The following PLBD1 variants were observed in gnomAD, a reference collection of about 807,000 sequenced individuals.
PLBD1 encodes lysosomal leucine aminopeptidase.
Under a neutral mutation model 63.0 loss-of-function variants are expected in PLBD1, and 60 were observed. That is an observed-to-expected ratio of 0.95 (90% CI 0.77 to 1.18). The LOEUF (loss-of-function observed/expected upper bound fraction) is 1.18. Among genes scored for constraint, PLBD1 ranks in the 50% most tolerant of loss-of-function variants. The pLI is 0.00. For synonymous variants in PLBD1, 262 were observed against 248.0 expected (o/e 1.06, Z -0.53); for missense variants, 598 against 677.9 (o/e 0.88, Z 1.31).
intron 1 of PLBD1, among the ~76,000 whole-genome samples, chr12:14,562,060 G>A (rs962846104): frequency 1.1e-4 from 16 of 152,194 alleles, no homozygotes; most frequent in Admixed American, 3.3e-4. Flanking sequence ...TACTGCATAT[G>A]CAAGGCAGAT....
intron 6 of PLBD1, among the ~76,000 whole-genome samples, chr12:14,513,039 C>T (rs1945310619): frequency 6.6e-6 from 1 of 152,140 alleles, no homozygotes; most frequent in Non-Finnish European, 1.5e-5. Flanking sequence ...TCTCAAATTT[C>T]TACCATGATT....
rs551109647 is a variant in PLBD1 at position 14,536,018 on chromosome 12, G to A, written c.700-215C>T. 5.7e-5 allele frequency: 28 copies of A among 492,270 alleles called. No individual in the cohort carries two copies. In the Admixed American group the frequency reaches 8.3e-4, roughly 15 times the overall value. The allele number at this position is 492,270 out of a possible 1,614,324, so 30.5% of individuals were successfully genotyped here. ...ACATTCAAAATGGAAGACTCCAGCT[G>A]GGCATGGTGGCTTACGCTCGAAATC... On this transcript the variant is annotated intron_variant, in intron 5 of 10. Transcript: ENST00000240617.
At chr12:14,536,348 G>T (rs1945514327) in intron 5 of PLBD1, among the ~76,000 whole-genome samples, 1 of 152,086 alleles carries the variant, frequency 6.6e-6, no homozygotes, top group African/African-American at 2.4e-5. Context: ...GGAGTGGCAG[G>T]TGCATACAGC....
rs374052351 is a variant in PLBD1, at chr12:14,504,101, G to GTACA, written c.1480-151_1480-148dup. On this transcript the variant is annotated intron_variant, in intron 10 of 10. Coordinates refer to ENST00000240617, the MANE Select transcript of PLBD1 (RefSeq NM_024829.6). ...TTTCGCTCTTGTTGCCCAGACTGGAGTACAGTGGCACAATCTCAGCTCATT... is the reference window on the plus strand; with the variant it reads ...TTTCGCTCTTGTTGCCCAGACTGGAGTACATACAGTGGCACAATCTCAGCTCATT... 3.5e-3 allele frequency: 2,514 copies of GTACA among 721,158 alleles called. 24 individuals carry two copies. Among genetic ancestry groups the GTACA allele is most frequent in the African/African-American group, 0.026 (1,427 of 55,450 alleles). 44.7% of individuals were successfully genotyped at this position (721,158 alleles called of 1,614,324 possible). A position where few individuals can be genotyped will look rare whatever the true frequency, so the allele number is the denominator to read the frequency against.
At chr12:14,536,887 GAGACCAGC>G (rs1197027743) in intron 4 of PLBD1, among the ~76,000 whole-genome samples, 177 bp from the exon 5 acceptor site, 1 of 152,042 alleles carries the variant, frequency 6.6e-6, no homozygotes, top group African/African-American at 2.4e-5. Flanking sequence ...TGAGGGGTTT[GAGACCAGC>G]CTGGCCAACA....
At chr12:14,548,055 C>T (rs1945628550) in intron 2 of PLBD1, among the ~76,000 whole-genome samples, 1 of 152,146 alleles carries the variant, frequency 6.6e-6, no homozygotes, top group Admixed American at 6.5e-5. Flanking sequence ...ATGCTTTGAA[C>T]AGTCTGACAC....
chr12:14,517,090 A>G (rs1945342584), intron 6 of PLBD1, among the ~76,000 whole-genome samples: 1 of 152,046 alleles, frequency 6.6e-6, no homozygotes, highest in African/African-American at 2.4e-5. Flanking sequence ...CCCACATAGA[A>G]GCTCCACCCA....
In PLBD1 at chr12:14,536,627, G is replaced by C. The variant is rs200233914; in HGVS notation, c.642C>G (p.Asn214Lys). 3.0e-5 allele frequency: 48 copies of C among 1,614,040 alleles called. No homozygotes were observed. Among genetic ancestry groups the C allele is most frequent in the Non-Finnish European group, 4.1e-5 (48 of 1,180,028 alleles). ...DLIPSLSPTK[N>K]GSLKVFKRWD... ...ATCTCTTAAAAACCTTTAGGCTGCCGTTTTTTGTGGGAGAGAGTGAGGGAA... is the reference window on the plus strand; with the variant it reads ...ATCTCTTAAAAACCTTTAGGCTGCCCTTTTTTGTGGGAGAGAGTGAGGGAA... The change falls in exon 5 of 11, where the codon AAC becomes AAG. Residue 214 changes from asparagine (N) to lysine (K), a missense_variant. Physicochemically the swap from Asn to Lys is moderately conservative, Grantham distance 94 (BLOSUM62 0). Coordinates refer to ENST00000240617, the MANE Select transcript of PLBD1 (RefSeq NM_024829.6).
chr12:14,530,093 T>C (rs1420405652), intron 6 of PLBD1: 1 of 152,094 alleles, frequency 6.6e-6, no homozygotes, highest in Non-Finnish European at 1.5e-5. Context: ...TGAGGTGAGG[T>C]CACAATAGGC....
intron 2 of PLBD1, among the ~76,000 whole-genome samples, chr12:14,551,636 A>G (rs1945660343): frequency 1.3e-5 from 2 of 152,232 alleles, no homozygotes; most frequent in African/African-American, 4.8e-5. Flanking sequence ...AATAACACCA[A>G]CAGAAATATC....
At position 14,503,943 on chromosome 12, in the gene PLBD1, G is replaced by C. The variant is rs1172498284; in HGVS notation, c.1491C>G (p.Ile497Met). ...AGGATGTGTACTGAGATGCTAGGTAGATATCTGCCACCTGGAAAGAGGGAG... is the reference window on the plus strand; with the variant it reads ...AGGATGTGTACTGAGATGCTAGGTACATATCTGCCACCTGGAAAGAGGGAG... ...GGCYDTKVADIYLASQYTSYA... is the reference protein window; with the variant it reads ...GGCYDTKVADMYLASQYTSYA... The change falls in exon 11 of 11, where the codon ATC becomes ATG. Residue 497 changes from isoleucine (I) to methionine (M), a missense_variant. By Grantham distance (10) the Ile-to-Met change is conservative. Transcript: ENST00000240617. The C allele has an allele frequency of 6.3e-7, 1 of 1,597,388 alleles. No individual in the cohort carries two copies. Among genetic ancestry groups the C allele is most frequent in the Non-Finnish European group, 8.5e-7 (1 of 1,170,798 alleles).
chr12:14,526,669 G>A (rs1785712081), intron 6 of PLBD1, among the ~76,000 whole-genome samples: 4 of 152,082 alleles, frequency 2.6e-5, no homozygotes. Flanking sequence ...AGTACTGGAG[G>A]AGCTGAAAGA....
At chr12:14,523,230 A>G (rs1228418090) in intron 6 of PLBD1, among the ~76,000 whole-genome samples, 8 of 151,978 alleles carry the variant, frequency 5.3e-5, no homozygotes, top group African/African-American at 1.9e-4. Flanking sequence ...ATCAGAAAAA[A>G]ATAAGAAGGC....
At chr12:14,566,349 T>C (rs1945781350) in intron 1 of PLBD1, among the ~76,000 whole-genome samples, 1 of 152,174 alleles carries the variant, frequency 6.6e-6, no homozygotes, top group Non-Finnish European at 1.5e-5. Context: ...ACGAAGGCTC[T>C]TGATGATGGA....
At chr12:14,544,318 C>T (rs1297490892) in intron 2 of PLBD1, among the ~76,000 whole-genome samples, 17 of 152,116 alleles carry the variant, frequency 1.1e-4, no homozygotes, top group Admixed American at 9.2e-4. Flanking sequence ...GGACTACTGG[C>T]GTTTGCCACC....
intron 8 of PLBD1, among the ~76,000 whole-genome samples, chr12:14,507,982 C>G (rs779897617): frequency 6.6e-6 from 1 of 152,196 alleles, no homozygotes; most frequent in Non-Finnish European, 1.5e-5. Flanking sequence ...TCTCCTGGCC[C>G]TTTTCTGCCT....
At chr12:14,505,222 C>T (rs1228435725) in intron 10 of PLBD1, among the ~76,000 whole-genome samples, 1 of 151,434 alleles carries the variant, frequency 6.6e-6, no homozygotes, top group Admixed American at 6.6e-5. Flanking sequence ...AAAGCATTTC[C>T]TGTTTAGGTA....
At chr12:14,559,830 T>C (rs1945732126) in intron 1 of PLBD1, among the ~76,000 whole-genome samples, 1 of 151,790 alleles carries the variant, frequency 6.6e-6, no homozygotes, top group Non-Finnish European at 1.5e-5. Context: ...TAATATTTAC[T>C]TGTATACTCT....
At chr12:14,565,030 T>C (rs910506568) in intron 1 of PLBD1, among the ~76,000 whole-genome samples, 5 of 152,212 alleles carry the variant, frequency 3.3e-5, no homozygotes, top group Non-Finnish European at 7.3e-5. Context: ...ATGGGGCTTT[T>C]GGTCTGGAAA....
Sources: allele counts gnomAD v4.1 joint callset (sites outside exome capture counted in the v4.1 genomes callset), GRCh38; gene constraint gnomAD v4.1.1; transcripts MANE v1.5; gene names NCBI Gene and HGNC (gene_info 2026-07-23, HGNC 2026-07-21).